Variants in TMEM45A observed in about 807,000 individuals in gnomAD.
The protein encoded by TMEM45A is transmembrane protein 45A.
In TMEM45A, 25 loss-of-function variants were observed where a neutral mutation model predicts 32.0. The observed-to-expected ratio is 0.78, with a 90% CI of 0.57 to 1.09. The LOEUF is 1.09. Ranked by LOEUF, TMEM45A falls within the 50% of genes least tolerant of loss-of-function variation. The probability of loss-of-function intolerance (pLI) is 0.00; values close to 1 mark genes in which losing one functional copy is unlikely to be tolerated. For missense variants in TMEM45A, 302 were observed against 325.0 expected (o/e 0.93, Z 0.54); for synonymous variants, 122 against 114.8 (o/e 1.06, Z -0.40).
At chr3:100,550,922 G>A (rs1490033413) in intron 1 of TMEM45A, among the ~76,000 whole-genome samples, 2 of 152,132 alleles carry the variant, frequency 1.3e-5, no homozygotes, top group Non-Finnish European at 2.9e-5. Context: ...TTCTTTGGAT[G>A]GGGGAGGAGG....
chr3:100,499,429 C>T (rs1707980400), intron 1 of TMEM45A, among the ~76,000 whole-genome samples: 2 of 152,164 alleles, frequency 1.3e-5, no homozygotes, highest in Admixed American at 1.3e-4. Flanking sequence ...TTAAGCAATT[C>T]ATTAATAATT....
rs1224884978 is a variant in TMEM45A, at chr3:100,513,153, C to T, written c.-4+20225C>T. Among the ~76,000 whole-genome samples the T allele has an allele frequency of 1.6e-4, 24 of 148,448 alleles. No homozygotes were observed. In the East Asian group the frequency reaches 4.7e-3, roughly 29 times the overall value. ...GGCCAGTATCATCCTGATACCAAAG[C>T]CTGGCAGAGACACAACAAAAAAAGA... On this transcript the variant is annotated intron_variant, in intron 1 of 5. Coordinates refer to ENST00000323523, the MANE Select transcript of TMEM45A (RefSeq NM_018004.3).
At chr3:100,536,258 T>C (rs962293477) in intron 1 of TMEM45A, among the ~76,000 whole-genome samples, 13 of 152,210 alleles carry the variant, frequency 8.5e-5, no homozygotes, top group African/African-American at 2.7e-4. Context: ...GCTCAAACTT[T>C]AATGTGCATA....
intron 1 of TMEM45A, among the ~76,000 whole-genome samples, chr3:100,511,610 T>A (rs1335903650): frequency 6.6e-6 from 1 of 151,372 alleles, no homozygotes; most frequent in Non-Finnish European, 1.5e-5. Context: ...CAGGATCAAA[T>A]TCACACATAA....
intron 1 of TMEM45A, among the ~76,000 whole-genome samples, chr3:100,531,624 G>A (rs956653862): frequency 2.6e-5 from 4 of 152,162 alleles, no homozygotes; most frequent in Non-Finnish European, 4.4e-5. Flanking sequence ...GTAGTAAGCA[G>A]CACTGCTTTA....
chr3:100,519,669 T>G (rs1576266695), intron 1 of TMEM45A: 1 of 1,505,700 alleles, frequency 6.6e-7, no homozygotes, highest in East Asian at 2.5e-5. Context: ...CAAGAACTTT[T>G]GATTCATAAA....
At chr3:100,521,655 T>A (rs948584916) in intron 1 of TMEM45A, among the ~76,000 whole-genome samples, 1 of 152,206 alleles carries the variant, frequency 6.6e-6, no homozygotes, top group Non-Finnish European at 1.5e-5. Flanking sequence ...CCTGGGGCTT[T>A]CCACCCCACA....
chr3:100,543,691 T>G (rs1271525486), intron 1 of TMEM45A, among the ~76,000 whole-genome samples: 1 of 152,200 alleles, frequency 6.6e-6, no homozygotes, highest in Non-Finnish European at 1.5e-5. Context: ...CAGTTTTTCT[T>G]TTTCAAATTG....
intron 4 of TMEM45A, 70 bp from the exon 5 acceptor site, chr3:100,568,752 A>G (rs1706495076): frequency 4.2e-6 from 6 of 1,429,248 alleles, no homozygotes; most frequent in Non-Finnish European, 5.8e-6. Context: ...GGAAGCAAGT[A>G]TTTTGAAATG....
At chr3:100,573,815 G>T (rs1706623866) in intron 5 of TMEM45A, 1 of 152,218 alleles carries the variant, frequency 6.6e-6, no homozygotes. Context: ...ATGAAGGGTT[G>T]TTGAATTTTG....
chr3:100,546,656 G>A (rs1705985022), intron 1 of TMEM45A, among the ~76,000 whole-genome samples: 2 of 152,180 alleles, frequency 1.3e-5, no homozygotes, highest in Non-Finnish European at 2.9e-5. Flanking sequence ...AGTAAATACT[G>A]TTGGCTCTGT....
intron 1 of TMEM45A, among the ~76,000 whole-genome samples, chr3:100,539,490 T>TATACGTATACGTATACGTATAC (rs1383500797): frequency 1.8e-4 from 13 of 72,416 alleles, no homozygotes; most frequent in Non-Finnish European, 3.0e-4. Flanking sequence ...TATATGTATA[T>TATACGTATACGTATACGTATAC]GTATACGTAT....
At chr3:100,515,379 C>G (rs1708243725) in intron 1 of TMEM45A, among the ~76,000 whole-genome samples, 1 of 149,058 alleles carries the variant, frequency 6.7e-6, no homozygotes, top group Non-Finnish European at 1.5e-5. Flanking sequence ...ATCACAAGAA[C>G]AAAAAACCAA....
intron 1 of TMEM45A, among the ~76,000 whole-genome samples, chr3:100,531,617 G>A (rs1294643557): frequency 6.6e-6 from 1 of 152,192 alleles, no homozygotes; most frequent in Non-Finnish European, 1.5e-5. Flanking sequence ...CATGATGGTA[G>A]TAAGCAGCAC....
rs374217056 is a variant in TMEM45A, at chr3:100,498,498, C to G, written c.-4+5570C>G. 4.6e-5 allele frequency among the ~76,000 whole-genome samples: 7 copies of G among 152,318 alleles called. 1 individual carries two copies. Among genetic ancestry groups the G allele is most frequent in the East Asian group, 3.9e-4 (2 of 5,178 alleles). ...TTCCTTGCACCTTCAGCCTGCTAGC[C>G]TACCCTGTAGGTTTTGGACTTGCTA... On this transcript the variant is annotated intron_variant, in intron 1 of 5. Transcript: ENST00000323523.
intron 4 of TMEM45A, among the ~76,000 whole-genome samples, chr3:100,560,154 A>C (rs1264615027): frequency 1.3e-5 from 2 of 152,032 alleles, no homozygotes; most frequent in South Asian, 4.1e-4. Context: ...CTCACTTTCT[A>C]ATAGAAGTCT....
At chr3:100,533,777 A>G (rs747354745) in intron 1 of TMEM45A, among the ~76,000 whole-genome samples, 3 of 152,074 alleles carry the variant, frequency 2.0e-5, no homozygotes, top group Non-Finnish European at 2.9e-5. Context: ...CAAGAACTTT[A>G]CTTGTATTAT....
chr3:100,516,363 G>T (rs1708261637), intron 1 of TMEM45A, among the ~76,000 whole-genome samples: 1 of 152,186 alleles, frequency 6.6e-6, no homozygotes, highest in Non-Finnish European at 1.5e-5. Flanking sequence ...TATGTTTTGT[G>T]GTGGTAATGA....
chr3:100,555,206 T>A lies in TMEM45A; in HGVS notation c.-3-3T>A. ...TACTTTCTGTGTGTTCTTATATTTG[T>A]AGATCATGGGGAATTTCAGAGGTCA... On this transcript the variant is annotated splice_region_variant and splice_polypyrimidine_tract_variant and intron_variant, in intron 1 of 5. Transcript: ENST00000323523. The A allele has an allele frequency of 6.3e-7, 1 of 1,587,432 alleles. No individual in the cohort carries two copies. The highest frequency in any genetic ancestry group is 1.2e-5 in the South Asian group (1 of 86,754).
Sources: gnomAD v4.1 joint callset for allele counts (sites outside exome capture counted in the v4.1 genomes callset) on GRCh38, gnomAD v4.1.1 for gene constraint, MANE v1.5 for transcripts, NCBI Gene and HGNC (gene_info 2026-07-23, HGNC 2026-07-21) for gene names.